Variants in RHBDL3 observed in about 807,000 individuals in gnomAD.
The protein encoded by RHBDL3 is rhomboid-related protein 3.
Under a neutral mutation model 48.2 loss-of-function variants are expected in RHBDL3, and 28 were observed. That is an observed-to-expected ratio of 0.58 (90% CI 0.43 to 0.80). RHBDL3 has a LOEUF of 0.80. Ranked by LOEUF, RHBDL3 falls within the 30% of genes least tolerant of loss-of-function variation. The pLI is 0.00. For synonymous variants in RHBDL3, 208 were observed against 232.3 expected, an observed-to-expected ratio of 0.90 and a Z score of 0.95; for missense variants, 464 against 542.7, an observed-to-expected ratio of 0.85 and a Z score of 1.44.
chr17:32,276,217 C>A lies in RHBDL3; in HGVS notation c.135+8292C>A, dbSNP rs531244694. Among the ~76,000 whole-genome samples, 15 of 149,982 alleles carry A rather than the reference C, an allele frequency of 1.0e-4. 1 individual carries two copies. The South Asian group carries it at 2.5e-3, about 25-fold the overall frequency. On this transcript the variant is annotated intron_variant, in intron 2 of 8. Coordinates refer to ENST00000269051, the MANE Select transcript of RHBDL3 (RefSeq NM_138328.3). ...AGGTGGTTTTCTCTATGGGACAAACCAGACTTACTCTAGGGTTGGCATGAG... is the reference window on the plus strand; with the variant it reads ...AGGTGGTTTTCTCTATGGGACAAACAAGACTTACTCTAGGGTTGGCATGAG...
intron 6 of RHBDL3, among the ~76,000 whole-genome samples, chr17:32,300,615 C>T (rs1245993276): frequency 6.6e-6 from 1 of 152,194 alleles, no homozygotes; most frequent in Non-Finnish European, 1.5e-5. Flanking sequence ...GCCTTACTCT[C>T]TAATTCCTTC....
chr17:32,298,666 G>C (rs571083022), intron 6 of RHBDL3, among the ~76,000 whole-genome samples: 2 of 152,238 alleles, frequency 1.3e-5, no homozygotes, highest in Admixed American at 1.3e-4. Context: ...AATCAAAGGG[G>C]TGAGTGGAGC....
rs2039620371 is a variant in RHBDL3, at chr17:32,266,087, C to A, written c.-103C>A. On this transcript the variant is annotated 5_prime_UTR_variant, in exon 1 of 9. Coordinates refer to ENST00000269051, the MANE Select transcript of RHBDL3 (RefSeq NM_138328.3). ...GAGCGGGCGCGGAGGCGGCGCGGCG[C>A]GCACTGAGCCCCTGGAGCGGCGCGG... The A allele has an allele frequency of 2.4e-5, 5 of 209,038 alleles. No individual in the cohort carries two copies. Among genetic ancestry groups the A allele is most frequent in the Non-Finnish European group, 4.1e-5 (5 of 121,854 alleles). 12.9% of individuals were successfully genotyped at this position (209,038 alleles called of 1,614,324 possible).
At chr17:32,268,569 T>G (rs1037786157) in intron 2 of RHBDL3, among the ~76,000 whole-genome samples, 4 of 152,216 alleles carry the variant, frequency 2.6e-5, no homozygotes, top group African/African-American at 9.6e-5. Flanking sequence ...GTTCTCCTCT[T>G]AGCATTCGTG....
intron 8 of RHBDL3, 46 bp downstream of exon 8, chr17:32,316,338 C>T (rs1027824501): frequency 6.7e-7 from 1 of 1,487,432 alleles, no homozygotes; most frequent in Non-Finnish European, 9.4e-7. Flanking sequence ...GGCACCAGGG[C>T]CTGAGGTTCA....
intron 7 of RHBDL3, among the ~76,000 whole-genome samples, chr17:32,313,987 T>C (rs2040910374): frequency 6.6e-6 from 1 of 152,106 alleles, no homozygotes. Context: ...TCGATCTCCT[T>C]TGACTTTCTG....
At chr17:32,308,608 T>C (rs1056778806) in intron 7 of RHBDL3, among the ~76,000 whole-genome samples, 1 of 152,082 alleles carries the variant, frequency 6.6e-6, no homozygotes, top group African/African-American at 2.4e-5. Flanking sequence ...AGTGAAGCCC[T>C]GTCTCAAAAA....
At chr17:32,275,206 G>A (rs2039868421) in intron 2 of RHBDL3, among the ~76,000 whole-genome samples, 1 of 152,198 alleles carries the variant, frequency 6.6e-6, no homozygotes, top group African/African-American at 2.4e-5. Flanking sequence ...GTTCCCTTGA[G>A]ACTCCTGGGC....
chr17:32,321,347 G>T lies in RHBDL3; in HGVS notation c.*118G>T. On this transcript the variant is annotated 3_prime_UTR_variant, in exon 9 of 9. Transcript: ENST00000269051. Reference sequence around the variant, plus strand: ...CGGGCAGACAAGGACAGAAGACTCTGGGCCACTGTAATGTTTGTGTTTAGA... The same window carrying T: ...CGGGCAGACAAGGACAGAAGACTCTTGGCCACTGTAATGTTTGTGTTTAGA... The T allele has an allele frequency of 6.4e-7, 1 of 1,553,704 alleles. No individual in the cohort carries two copies. The highest frequency in any genetic ancestry group is 8.7e-7 in the Non-Finnish European group (1 of 1,154,370).
chr17:32,300,645 T>C (rs17732573), intron 6 of RHBDL3, among the ~76,000 whole-genome samples: 60,635 of 152,064 alleles, frequency 0.4, 13,878 homozygotes, highest in Non-Finnish European at 0.51. Flanking sequence ...GTGTTTCCAA[T>C]CCACACTTTG....
At chr17:32,269,843 T>G (rs1292216911) in intron 2 of RHBDL3, among the ~76,000 whole-genome samples, 1 of 152,038 alleles carries the variant, frequency 6.6e-6, no homozygotes, top group African/African-American at 2.4e-5. Context: ...AACAAACCAT[T>G]TGGGTGAAAG....
At chr17:32,313,354 T>G (rs2040888402) in intron 7 of RHBDL3, among the ~76,000 whole-genome samples, 1 of 152,190 alleles carries the variant, frequency 6.6e-6, no homozygotes, top group African/African-American at 2.4e-5. Flanking sequence ...AAACCCTGTC[T>G]CTTAAAAAGT....
intron 6 of RHBDL3, 110 bp from the exon 7 acceptor site, chr17:32,305,231 C>T (rs900099559): frequency 1.4e-5 from 10 of 731,922 alleles, no homozygotes; most frequent in Middle Eastern, 2.5e-4. Flanking sequence ...AGAGGTGGAG[C>T]GTCTTGCTCT....
chr17:32,271,992 C>T (rs1264548429), intron 2 of RHBDL3, among the ~76,000 whole-genome samples: 1 of 152,218 alleles, frequency 6.6e-6, no homozygotes, highest in Non-Finnish European at 1.5e-5. Context: ...GGGTTCAAGT[C>T]TTACTCACTT....
intron 1 of RHBDL3, among the ~76,000 whole-genome samples, chr17:32,267,439 A>AG (rs147012572): frequency 0.038 from 5,083 of 135,530 alleles, 427 homozygotes; most frequent in African/African-American, 0.13. Flanking sequence ...CTGGGGGGGG[A>AG]GGGGGGGGCT....
chr17:32,316,119 C>G (rs1305571855), intron 7 of RHBDL3, 113 bp from the exon 8 acceptor site: 1 of 765,042 alleles, frequency 1.3e-6, no homozygotes, highest in Non-Finnish European at 2.3e-6. Context: ...CCACAACCCT[C>G]TCATTCAGGA....
In RHBDL3 at chr17:32,289,032, G is replaced by C. The variant is rs1229565776; in HGVS notation, c.519+16G>C. On this transcript the variant is annotated intron_variant, in intron 4 of 8. Coordinates refer to ENST00000269051, the MANE Select transcript of RHBDL3 (RefSeq NM_138328.3). ...GCTGCTGGAGGCAAGGACAAGGGTG[G>C]GGAGGGGGTTGCTCTGCCTTGGGGA... is the stretch of plus-strand genomic sequence containing the variant. 6.2e-7 allele frequency: 1 copy of C among 1,611,290 alleles called. No individual in the cohort carries two copies. The highest frequency in any genetic ancestry group is 8.5e-7 in the Non-Finnish European group (1 of 1,177,570).
chr17:32,312,073 A>G (rs960346761), intron 7 of RHBDL3, among the ~76,000 whole-genome samples: 3 of 152,216 alleles, frequency 2.0e-5, no homozygotes, highest in Admixed American at 6.5e-5. Flanking sequence ...AGCTGTCCAT[A>G]CATTCTAACT....
intron 2 of RHBDL3, among the ~76,000 whole-genome samples, chr17:32,278,326 G>A (rs11871681): frequency 0.091 from 13,766 of 152,076 alleles, 1,299 homozygotes; most frequent in African/African-American, 0.24. Context: ...CAGGGGCTAT[G>A]TTTCATTCAA....
Sources: gnomAD v4.1 joint callset for allele counts (sites outside exome capture counted in the v4.1 genomes callset) on GRCh38, gnomAD v4.1.1 for gene constraint, MANE v1.5 for transcripts, NCBI Gene and HGNC (gene_info 2026-07-23, HGNC 2026-07-21) for gene names.